GBF1: variants seen among roughly 807,000 people sequenced by gnomAD.
GBF1 encodes Golgi-specific brefeldin A-resistance guanine nucleotide exchange factor 1.
A neutral mutation model predicts 210.5 loss-of-function variants in GBF1; 114 were observed. The observed-to-expected ratio is 0.54, with a 90% confidence interval of 0.47 to 0.63. The LOEUF (loss-of-function observed/expected upper bound fraction) is 0.63. Among genes scored for constraint, GBF1 ranks in the 30% least tolerant of loss-of-function variants. The pLI is 0.00. For synonymous variants in GBF1, 850 were observed against 889.2 expected, an observed-to-expected ratio of 0.96 and a Z score of 0.78; for missense variants, 1,851 against 2,357.7, an observed-to-expected ratio of 0.79 and a Z score of 4.45.
intron 3 of GBF1, among the ~76,000 whole-genome samples, chr10:102,291,657 AC>A (rs1220735887): frequency 6.6e-6 from 1 of 152,110 alleles, no homozygotes; most frequent in Non-Finnish European, 1.5e-5. Context: ...GGGAGTGGAG[AC>A]TTGATATTTG....
intron 1 of GBF1, among the ~76,000 whole-genome samples, chr10:102,253,082 TG>T (rs1185054861): frequency 2.0e-5 from 3 of 151,752 alleles, no homozygotes; most frequent in Non-Finnish European, 4.4e-5. Context: ...TTTAGTAGAG[TG>T]GGGGTTTCAC....
intron 3 of GBF1, among the ~76,000 whole-genome samples, chr10:102,282,294 T>G (rs2075576216): frequency 1.3e-5 from 2 of 152,148 alleles, no homozygotes; most frequent in Non-Finnish European, 2.9e-5. Flanking sequence ...TTTATTAATA[T>G]TCCCCTTTTA....
At chr10:102,343,827 T>C (rs1473890856) in intron 3 of GBF1, among the ~76,000 whole-genome samples, 3 of 150,862 alleles carry the variant, frequency 2.0e-5, no homozygotes, top group Non-Finnish European at 1.5e-5. Context: ...GATAATATTG[T>C]GTTTTTGTTC....
intron 3 of GBF1, among the ~76,000 whole-genome samples, chr10:102,262,170 A>AT (rs1387149801): frequency 6.6e-6 from 1 of 152,108 alleles, no homozygotes; most frequent in African/African-American, 2.4e-5. Flanking sequence ...AAAGGAGCAA[A>AT]TTTCACTCAA....
chr10:102,295,967 C>T (rs890229352), intron 3 of GBF1, among the ~76,000 whole-genome samples: 3 of 151,992 alleles, frequency 2.0e-5, no homozygotes, highest in Admixed American at 6.6e-5. Context: ...TCTTAAGTAG[C>T]GGACAATAAC....
At chr10:102,279,464 ATTCATC>A (rs999528494) in intron 3 of GBF1, among the ~76,000 whole-genome samples, 17 of 152,160 alleles carry the variant, frequency 1.1e-4, no homozygotes, top group Non-Finnish European at 2.1e-4. Flanking sequence ...TAATAGCTTG[ATTCATC>A]TTATTAAGCA....
intron 3 of GBF1, among the ~76,000 whole-genome samples, chr10:102,274,234 G>GACCTC (rs929632896): frequency 1.3e-5 from 2 of 152,160 alleles, no homozygotes; most frequent in Non-Finnish European, 2.9e-5. Context: ...TTCCACACGT[G>GACCTC]ACCTCAGGAA....
At chr10:102,253,238 C>A (rs1486402611) in intron 1 of GBF1, among the ~76,000 whole-genome samples, 1 of 152,156 alleles carries the variant, frequency 6.6e-6, no homozygotes, top group Non-Finnish European at 1.5e-5. Context: ...TTATATGGGG[C>A]ACCAATGGCT....
chr10:102,346,440 TC>T (rs1388857352), intron 4 of GBF1, among the ~76,000 whole-genome samples: 3 of 152,274 alleles, frequency 2.0e-5, no homozygotes, highest in Non-Finnish European at 4.4e-5. Flanking sequence ...AATTTCTACT[TC>T]CTTACCCTGT....
At position 102,363,635 on chromosome 10, in the gene GBF1, G is replaced by T; in HGVS notation, c.2018-75G>T. On this transcript the variant is annotated intron_variant, in intron 16 of 39. Transcript: ENST00000369983. The surrounding 1 kb of genome is among the most constrained non-coding windows in gnomAD (Gnocchi z 4.2). ...CTTCTTGAAACTGGGGAGTATATTG[G>T]TGACCTTCCAAAAGTCCTTATCTGG... 2 of 987,548 alleles carry T rather than the reference G, an allele frequency of 2.0e-6. No homozygotes were observed. Among genetic ancestry groups the T allele is most frequent in the East Asian group, 2.4e-5 (1 of 42,132 alleles). 61.2% of individuals were successfully genotyped at this position (987,548 alleles called of 1,614,324 possible).
In GBF1 at chr10:102,318,680, C is replaced by A. The variant is rs562429080; in HGVS notation, c.164-25371C>A. 4.6e-5 allele frequency among the ~76,000 whole-genome samples: 7 copies of A among 152,202 alleles called. No homozygotes were observed. The East Asian group carries it at 9.6e-4, about 21-fold the overall frequency. ...TGTGCTGCAAAGTCCAACTTCCCCCCCTTCAAGGTCCCCTCCCTAAACTCT... is the reference window on the plus strand; with the variant it reads ...TGTGCTGCAAAGTCCAACTTCCCCCACTTCAAGGTCCCCTCCCTAAACTCT... On this transcript the variant is annotated intron_variant, in intron 3 of 39. Transcript: ENST00000369983.
rs1454503428 is a variant in GBF1 at position 102,259,726 on chromosome 10, G to A, written c.97-324G>A. Among the ~76,000 whole-genome samples the A allele has an allele frequency of 7.2e-5, 11 of 152,178 alleles. No individual in the cohort carries two copies. In the East Asian group the frequency reaches 1.9e-3, roughly 27 times the overall value. ...GAATATCTTTGAAATGAATATGTAT[G>A]ATGACATAGTGGGTATGAAAAGGGA... On this transcript the variant is annotated intron_variant, in intron 2 of 39. Coordinates refer to ENST00000369983, the MANE Select transcript of GBF1 (RefSeq NM_001377137.1).
chr10:102,270,166 C>G (rs1232299443), intron 3 of GBF1, among the ~76,000 whole-genome samples: 2 of 151,994 alleles, frequency 1.3e-5, no homozygotes, highest in Non-Finnish European at 2.9e-5. Flanking sequence ...GCGTGAACCA[C>G]TGCACCCGGC....
At chr10:102,259,553 G>A (rs754636796) in intron 2 of GBF1, among the ~76,000 whole-genome samples, 11 of 152,068 alleles carry the variant, frequency 7.2e-5, no homozygotes, top group South Asian at 6.2e-4. Context: ...TTGTAGAATT[G>A]TGTAAAACAA....
At chr10:102,326,062 C>G (rs1254982403) in intron 3 of GBF1, among the ~76,000 whole-genome samples, 1 of 152,176 alleles carries the variant, frequency 6.6e-6, no homozygotes, top group Admixed American at 6.5e-5. Context: ...TCATGTCATG[C>G]AAGGCCTCAT....
chr10:102,313,425 A>G (rs2078657401), intron 3 of GBF1, among the ~76,000 whole-genome samples: 1 of 152,164 alleles, frequency 6.6e-6, no homozygotes, highest in African/African-American at 2.4e-5. Flanking sequence ...GGAGGAGAAG[A>G]TGGAGAGGGC....
intron 3 of GBF1, among the ~76,000 whole-genome samples, chr10:102,281,531 C>A (rs891278440): frequency 1.3e-5 from 2 of 149,808 alleles, no homozygotes; most frequent in East Asian, 3.9e-4. Flanking sequence ...AAATTATAAT[C>A]TATAAATTAT....
intron 3 of GBF1, among the ~76,000 whole-genome samples, chr10:102,276,378 T>C: frequency 6.6e-6 from 1 of 150,754 alleles, no homozygotes; most frequent in East Asian, 1.9e-4. Context: ...AACAAAAAAT[T>C]AGCTGGGCAT....
At chr10:102,305,183 G>A (rs905505441) in intron 3 of GBF1, among the ~76,000 whole-genome samples, 1 of 142,700 alleles carries the variant, frequency 7.0e-6, no homozygotes, top group Non-Finnish European at 1.5e-5. Context: ...ATTTGTGTGT[G>A]TGTGTGTGTG....
Sources: allele counts gnomAD v4.1 joint callset (sites outside exome capture counted in the v4.1 genomes callset), GRCh38; gene constraint gnomAD v4.1.1; non-coding constraint Gnocchi (gnomAD v3.1); transcripts MANE v1.5; gene names NCBI Gene and HGNC (gene_info 2026-07-23, HGNC 2026-07-21).